Variants in TBX21 observed in about 807,000 individuals in gnomAD.
TBX21 encodes the protein T-box transcription factor 21.
A neutral mutation model predicts 52.2 loss-of-function variants in TBX21; 11 were observed. The observed-to-expected ratio is 0.21, with a 90% confidence interval of 0.13 to 0.35. TBX21 has a LOEUF of 0.35. Ranked by LOEUF, TBX21 falls within the 10% of genes least tolerant of loss-of-function variation. The pLI is 1.00. For missense variants in TBX21, 625 were observed against 755.1 expected (o/e 0.83, Z 2.02); for synonymous variants, 300 against 316.1 (o/e 0.95, Z 0.54).
At chr17:47,734,494 G>A (rs1247382652) in intron 1 of TBX21, among the ~76,000 whole-genome samples, 1 of 151,400 alleles carries the variant, frequency 6.6e-6, no homozygotes, top group African/African-American at 2.4e-5. Flanking sequence ...TTGGGATTTG[G>A]TGACATGGAG....
chr17:47,743,030 T>C, intron 2 of TBX21, 41 bp from the exon 3 acceptor site: 1 of 1,610,678 alleles, frequency 6.2e-7, no homozygotes, highest in Non-Finnish European at 8.5e-7. Flanking sequence ...ACCAGGGTTC[T>C]GTCCCGGGGG....
At chr17:47,738,559 G>C (rs777412489) in intron 1 of TBX21, among the ~76,000 whole-genome samples, 12 of 151,930 alleles carry the variant, frequency 7.9e-5, no homozygotes, top group Non-Finnish European at 1.3e-4. Flanking sequence ...TAGTCTATGA[G>C]AGGACCCATT....
Position 47,744,698 on chromosome 17 carries a change from G to A in TBX21, c.990-50G>A, listed in dbSNP as rs371594059. On this transcript the variant is annotated intron_variant, in intron 5 of 5. Coordinates refer to ENST00000177694, the MANE Select transcript of TBX21 (RefSeq NM_013351.2). ...ATGTGTGAAACAGGTAGGCTCACAGGTGACTGGTTCTGCTTGTGACCCGTT... is the reference window on the plus strand; with the variant it reads ...ATGTGTGAAACAGGTAGGCTCACAGATGACTGGTTCTGCTTGTGACCCGTT... 1.4e-5 allele frequency: 22 copies of A among 1,598,324 alleles called. No individual in the cohort carries two copies. The African/African-American group carries it at 2.0e-4, about 15-fold the overall frequency.
At position 47,743,296 on chromosome 17, in the gene TBX21, C is replaced by A. The variant is rs1597985612; in HGVS notation, c.768+104C>A. 3.8e-5 allele frequency: 56 copies of A among 1,472,894 alleles called. No individual in the cohort carries two copies. In the East Asian group the frequency reaches 1.3e-3, roughly 33 times the overall value. The allele number at this position is 1,472,894 out of a possible 1,614,324, so 91.2% of individuals were successfully genotyped here. On this transcript the variant is annotated intron_variant, in intron 3 of 5. Transcript: ENST00000177694. Reference sequence around the variant, plus strand: ...GCGGGGCCAGTTTGGTTCATTTTTTCTTCCTTCCTACAGGAAGGAAGGTTC... The same window carrying A: ...GCGGGGCCAGTTTGGTTCATTTTTTATTCCTTCCTACAGGAAGGAAGGTTC...
At chr17:47,734,103 G>A (rs2032175574) in intron 1 of TBX21, among the ~76,000 whole-genome samples, 158 bp downstream of exon 1, 1 of 152,124 alleles carries the variant, frequency 6.6e-6, no homozygotes, top group Admixed American at 6.5e-5. Flanking sequence ...AGGAGGACAG[G>A]GAAAGCTCCG....
In TBX21 at chr17:47,744,893, G is replaced by C; in HGVS notation, c.1135G>C (p.Asp379His). Residue 379 changes from aspartate to histidine, a missense_variant, in exon 6 of 6, where the codon GAT becomes CAT. By Grantham distance (81) the Asp-to-His change is moderately conservative. This residue lies in a region of TBX21 where 261 missense variants were observed against 275.1 expected (regional missense o/e 0.95). Coordinates refer to ENST00000177694, the MANE Select transcript of TBX21 (RefSeq NM_013351.2). ...CCCCGACCTTCCTGGCCAGGCGAAG[G>C]ATGTGGTTCCCCAGGCTTACTGGCT... ...FYPDLPGQAK[D>H]VVPQAYWLGA... 1 of 1,614,196 alleles carries C rather than the reference G, an allele frequency of 6.2e-7. No individual in the cohort carries two copies. The highest frequency in any genetic ancestry group is 8.5e-7 in the Non-Finnish European group (1 of 1,180,030).
chr17:47,734,957 C>A lies in TBX21; in HGVS notation c.491+1012C>A, dbSNP rs375005380. 6.6e-5 allele frequency among the ~76,000 whole-genome samples: 10 copies of A among 152,106 alleles called. No individual in the cohort carries two copies. The East Asian group carries it at 7.7e-4, about 12-fold the overall frequency. On this transcript the variant is annotated intron_variant, in intron 1 of 5. Coordinates refer to ENST00000177694, the MANE Select transcript of TBX21 (RefSeq NM_013351.2). ...CAAGGAAAGAAACAGAAACCTGTGA[C>A]TTGTGTGGTATTTGTTTAGTAAGCA...
At chr17:47,737,360 GTTGA>G (rs1010495784) in intron 1 of TBX21, among the ~76,000 whole-genome samples, 1 of 152,118 alleles carries the variant, frequency 6.6e-6, no homozygotes, top group South Asian at 2.1e-4. Context: ...GGTGTGATTG[GTTGA>G]TTATTATAAT....
chr17:47,744,444 A>T, intron 4 of TBX21, 38 bp from the exon 5 acceptor site: 1 of 1,613,806 alleles, frequency 6.2e-7, no homozygotes, highest in South Asian at 1.1e-5. Context: ...CGAGCCCCAG[A>T]CTCAGGACTC....
Position 47,744,352 on chromosome 17 carries a change from A to G in TBX21, c.926A>G (p.Glu309Gly). 6.2e-7 allele frequency: 1 copy of G among 1,614,114 alleles called. No homozygotes were observed. The highest frequency in any genetic ancestry group is 8.5e-7 in the Non-Finnish European group (1 of 1,180,008). Residue 309 changes from glutamate (E) to glycine (G), a missense_variant and splice_region_variant, in exon 4 of 6, where the codon GAG (glutamate) becomes GGG (glycine). Physicochemically the swap from Glu to Gly is moderately conservative, Grantham distance 98. Coordinates refer to ENST00000177694, the MANE Select transcript of TBX21 (RefSeq NM_013351.2). The stretch of plus-strand genomic sequence containing the variant: ...GCCGTGACTGCCTACCAGAATGCCG[A>G]GGTGAGGGCTGCCTGAGCCCCGGTG... ...FIAVTAYQNA[E>G]ITQLKIDNNP...
At position 47,742,501 on chromosome 17, in the gene TBX21, G is replaced by A. The variant is rs959030177; in HGVS notation, c.492-109G>A. 3.0e-6 allele frequency: 4 copies of A among 1,332,422 alleles called. No homozygotes were observed. Among genetic ancestry groups the A allele is most frequent in the Non-Finnish European group, 2.0e-6 (2 of 998,774 alleles). The allele number at this position is 1,332,422 out of a possible 1,614,324, so 82.5% of individuals were successfully genotyped here. A position where few individuals can be genotyped will look rare whatever the true frequency, so the allele number is the denominator to read the frequency against. On this transcript the variant is annotated intron_variant, in intron 1 of 5. Transcript: ENST00000177694. This position sits in a 1 kb window ranked among gnomAD's most constrained non-coding sequence, Gnocchi z 4.4. ...CACCTTCCAGCTGGTTCTTGTGAGT[G>A]GGAGGAAGCCGGCTACAGCACACCA...
chr17:47,739,440 G>A (rs1039552714), intron 1 of TBX21, among the ~76,000 whole-genome samples: 11 of 150,752 alleles, frequency 7.3e-5, no homozygotes, highest in Non-Finnish European at 1.3e-4. Flanking sequence ...AGCCTGTGCA[G>A]CATAGCAGAC....
intron 3 of TBX21, 65 bp from the exon 4 acceptor site, chr17:47,744,130 T>G (rs1597986047): frequency 3.2e-6 from 5 of 1,578,640 alleles, no homozygotes; most frequent in Non-Finnish European, 4.3e-6. Flanking sequence ...CAGCTGTTGG[T>G]GGGGGTGATG....
In TBX21 at chr17:47,733,609, G is replaced by A; in HGVS notation, c.155G>A (p.Gly52Asp). The part of the protein sequence containing the change: ...AQDADERRGG[G>D]SLGSPYPGGA... ...GACGCGGACGAGCGTCGCGGGGGCG[G>A]CAGCCTGGGGTCTCCCTACCCGGGG... Residue 52 changes from glycine to aspartate, a missense_variant, in exon 1 of 6, where the codon GGC becomes GAC. By Grantham distance (94) the Gly-to-Asp change is moderately conservative. Transcript: ENST00000177694. This position sits in a 1 kb window ranked among gnomAD's most constrained non-coding sequence, Gnocchi z 6.6. 1 of 1,449,326 alleles carries A rather than the reference G, an allele frequency of 6.9e-7. No individual in the cohort carries two copies. The highest frequency in any genetic ancestry group is 1.5e-5 in the African/African-American group (1 of 67,430). 89.8% of individuals were successfully genotyped at this position (1,449,326 alleles called of 1,614,324 possible).
At position 47,744,920 on chromosome 17, in the gene TBX21, G is replaced by T; in HGVS notation, c.1162G>T (p.Gly388Trp). ...TGTGGTTCCCCAGGCTTACTGGCTG[G>T]GGGCCCCCCGGGACCACAGCTATGA... ...KDVVPQAYWL[G>W]APRDHSYEAE... The change falls in exon 6 of 6, where the codon GGG becomes TGG. Residue 388 changes from glycine to tryptophan, a missense_variant. Gly to Trp is a radical substitution (Grantham distance 184). Around this residue, in one of 4 missense-constraint regions of TBX21, gnomAD observed 261 missense variants for 275.1 expected, o/e 0.95. Coordinates refer to ENST00000177694, the MANE Select transcript of TBX21 (RefSeq NM_013351.2). 1 of 1,614,168 alleles carries T rather than the reference G, an allele frequency of 6.2e-7. No individual in the cohort carries two copies. Among genetic ancestry groups the T allele is most frequent in the Non-Finnish European group, 8.5e-7 (1 of 1,180,034 alleles).
chr17:47,737,289 G>C (rs2032217692), intron 1 of TBX21, among the ~76,000 whole-genome samples: 1 of 152,128 alleles, frequency 6.6e-6, no homozygotes, highest in African/African-American at 2.4e-5. Context: ...GAGGAAGAGA[G>C]AGGCCTGTGT....
At chr17:47,740,456 G>A (rs943157707) in intron 1 of TBX21, among the ~76,000 whole-genome samples, 3 of 152,140 alleles carry the variant, frequency 2.0e-5, no homozygotes, top group African/African-American at 7.2e-5. Context: ...GATTTGGGCT[G>A]GGTGCAGTGG....
Position 47,744,181 on chromosome 17 carries a change from T to C in TBX21, c.769-14T>C, listed in dbSNP as rs2143437110. ...TTCCTCCCCACCCCTACAACCGTCT[T>C]GCTCTGTCTACAGATGATTGTGCTC... is the stretch of plus-strand genomic sequence containing the variant. On this transcript the variant is annotated splice_polypyrimidine_tract_variant and intron_variant, in intron 3 of 5. Coordinates refer to ENST00000177694, the MANE Select transcript of TBX21 (RefSeq NM_013351.2). 1 of 1,613,362 alleles carries C rather than the reference T, an allele frequency of 6.2e-7. No homozygotes were observed. The highest frequency in any genetic ancestry group is 8.5e-7 in the Non-Finnish European group (1 of 1,179,446).
At chr17:47,734,004 C>T (rs536226571) in intron 1 of TBX21, 59 bp downstream of exon 1, 10 of 1,609,476 alleles carry the variant, frequency 6.2e-6, no homozygotes, top group African/African-American at 2.7e-5. Context: ...AAGAACGTCT[C>T]GTCTGTTTTT....
Sources: gnomAD v4.1 joint callset for allele counts (sites outside exome capture counted in the v4.1 genomes callset) on GRCh38, gnomAD v4.1.1 for gene constraint, gnomAD v4.1.1 regional missense constraint, Gnocchi (gnomAD v3.1) non-coding constraint, MANE v1.5 for transcripts, NCBI Gene and HGNC (gene_info 2026-07-23, HGNC 2026-07-21) for gene names.